Variants in SMAD1 observed in about 807,000 individuals in gnomAD.
SMAD1 encodes SMAD family member 1.
SMAD1 carries 6 observed loss-of-function variants against 41.6 expected under a neutral mutation model. That is an observed-to-expected ratio of 0.14 (90% CI 0.08 to 0.28). The LOEUF (loss-of-function observed/expected upper bound fraction) is 0.28. Among genes scored for constraint, SMAD1 ranks in the 10% least tolerant of loss-of-function variants. The pLI is 1.00. For synonymous variants in SMAD1, 206 were observed against 203.2 expected (o/e 1.01, Z -0.12); for missense variants, 379 against 582.6 (o/e 0.65, Z 3.60).
intron 1 of SMAD1, chr4:145,497,783 A>G (rs1729176493): frequency 6.6e-6 from 1 of 152,220 alleles, no homozygotes. Flanking sequence ...GCTTATATCT[A>G]AAGCATTATT....
intron 2 of SMAD1, among the ~76,000 whole-genome samples, chr4:145,529,965 G>C (rs1324882157): frequency 6.6e-6 from 1 of 152,150 alleles, no homozygotes; most frequent in African/African-American, 2.4e-5. Context: ...TCTGAGGGCT[G>C]AACTTTGAGA....
chr4:145,525,263 G>A (rs1323262064), intron 2 of SMAD1, among the ~76,000 whole-genome samples: 1 of 152,168 alleles, frequency 6.6e-6, no homozygotes, highest in Non-Finnish European at 1.5e-5. Context: ...CCCTTAAAAT[G>A]AAAATGTTCT....
At chr4:145,511,712 A>C (rs1730090486) in intron 1 of SMAD1, among the ~76,000 whole-genome samples, 1 of 152,224 alleles carries the variant, frequency 6.6e-6, no homozygotes, top group Non-Finnish European at 1.5e-5. Flanking sequence ...CAAGGACCTT[A>C]GAATGCTAAC....
rs73852353 is a variant in SMAD1 at position 145,553,690 on chromosome 4, C to A, written c.998-94C>A. 1,759 of 1,139,938 alleles carry A rather than the reference C, an allele frequency of 1.5e-3. 19 individuals are homozygous for A. In the African/African-American group the frequency reaches 0.024, roughly 16 times the overall value. 70.6% of individuals were successfully genotyped at this position (1,139,938 alleles called of 1,614,324 possible). A position where few individuals can be genotyped will look rare whatever the true frequency, so the allele number is the denominator to read the frequency against. Reference sequence around the variant, plus strand: ...TAGCTAACTAGCCAAAGTTTAAATCCATGTATATTTAAGTTTCTGTGTTGA... The same window carrying A: ...TAGCTAACTAGCCAAAGTTTAAATCAATGTATATTTAAGTTTCTGTGTTGA... On this transcript the variant is annotated intron_variant, in intron 5 of 6. Coordinates refer to ENST00000302085, the MANE Select transcript of SMAD1 (RefSeq NM_005900.3).
intron 4 of SMAD1, chr4:145,546,371 G>A (rs1732253843): frequency 4.1e-6 from 1 of 242,868 alleles, no homozygotes. Flanking sequence ...GTCTGTGGTA[G>A]GGGTGATTTC....
At chr4:145,509,555 T>TA (rs1294563571) in intron 1 of SMAD1, among the ~76,000 whole-genome samples, 1 of 152,200 alleles carries the variant, frequency 6.6e-6, no homozygotes, top group Non-Finnish European at 1.5e-5. Context: ...CCATTCTGTT[T>TA]AAAAATTATT....
At chr4:145,498,877 G>A (rs563393347) in intron 1 of SMAD1, among the ~76,000 whole-genome samples, 2 of 152,210 alleles carry the variant, frequency 1.3e-5, no homozygotes, top group South Asian at 2.1e-4. Flanking sequence ...TAGGCACCTG[G>A]GTTATTTAGA....
In SMAD1 at chr4:145,503,690, G is replaced by A. The variant is rs529017624; in HGVS notation, c.-176-10748G>A. ...TCATTCAATGCCATTTCCTTATAAC[G>A]TTGATGAGAAAAAACATTCCCAGCC... On this transcript the variant is annotated intron_variant, in intron 1 of 6. Transcript: ENST00000302085. Among the ~76,000 whole-genome samples the A allele has an allele frequency of 3.3e-5, 5 of 152,236 alleles. No individual in the cohort carries two copies. The East Asian group carries it at 7.7e-4, about 24-fold the overall frequency.
intron 1 of SMAD1, among the ~76,000 whole-genome samples, chr4:145,499,825 A>T (rs1729323526): frequency 1.3e-5 from 2 of 152,108 alleles, no homozygotes; most frequent in Admixed American, 6.5e-5. Context: ...TACAGGAATT[A>T]TGGACATTTA....
Position 145,539,820 on chromosome 4 carries a change from G to C in SMAD1, c.417G>C (p.Leu139=). Residue 139 remains leucine (L), a synonymous_variant, in exon 3 of 7, where the codon CTG becomes CTC. Transcript: ENST00000302085. ...TTTTTCTAGTACTTCCTCCTGTGCTGGTTCCAAGACACAGCGAATATAATC... is the reference window on the plus strand; with the variant it reads ...TTTTTCTAGTACTTCCTCCTGTGCTCGTTCCAAGACACAGCGAATATAATC... ...RVESPVLPPV[L]VPRHSEYNPQ... is the part of the protein sequence containing the mutation. 6.2e-7 allele frequency: 1 copy of C among 1,613,740 alleles called. No individual in the cohort carries two copies. The highest frequency in any genetic ancestry group is 8.5e-7 in the Non-Finnish European group (1 of 1,179,800).
chr4:145,502,640 C>T (rs970491942), intron 1 of SMAD1, among the ~76,000 whole-genome samples: 7 of 152,258 alleles, frequency 4.6e-5, no homozygotes, highest in Non-Finnish European at 7.4e-5. Flanking sequence ...AATGAAGATA[C>T]GTTAATAGCA....
At position 145,557,981 on chromosome 4, in the gene SMAD1, A is replaced by C. The variant is rs769533598; in HGVS notation, c.*47A>C. On this transcript the variant is annotated 3_prime_UTR_variant, in exon 7 of 7. Coordinates refer to ENST00000302085, the MANE Select transcript of SMAD1 (RefSeq NM_005900.3). ...TGGAAAACTATTGAGCCTTGCATGT[A>C]CTTGAAGGATGGATGAGTCAGACAC... The C allele has an allele frequency of 6.8e-7, 1 of 1,461,440 alleles. No individual in the cohort carries two copies. The allele number at this position is 1,461,440 out of a possible 1,614,324, so 90.5% of individuals were successfully genotyped here. A position where few individuals can be genotyped will look rare whatever the true frequency, so the allele number is the denominator to read the frequency against.
At chr4:145,552,240 G>A (rs1188696478) in intron 5 of SMAD1, among the ~76,000 whole-genome samples, 1 of 151,998 alleles carries the variant, frequency 6.6e-6, no homozygotes, top group East Asian at 1.9e-4. Context: ...TCTATATCAG[G>A]CCAAAAAAAT....
intron 5 of SMAD1, among the ~76,000 whole-genome samples, chr4:145,550,405 C>T (rs922612833): frequency 2.0e-5 from 3 of 151,952 alleles, no homozygotes; most frequent in East Asian, 3.9e-4. Context: ...CCCAGCTACT[C>T]GGGAGACAGA....
intron 1 of SMAD1, among the ~76,000 whole-genome samples, chr4:145,505,093 C>T (rs1729690552): frequency 6.6e-6 from 1 of 152,126 alleles, no homozygotes; most frequent in South Asian, 2.1e-4. Flanking sequence ...TTGGACAATT[C>T]CATCTTTGTT....
chr4:145,490,708 T>C (rs745702129), intron 1 of SMAD1, among the ~76,000 whole-genome samples: 5 of 152,122 alleles, frequency 3.3e-5, no homozygotes, highest in Admixed American at 6.5e-5. Context: ...GGTAATGAAG[T>C]AGTGAAATAT....
At chr4:145,534,966 C>G (rs932714454) in intron 2 of SMAD1, among the ~76,000 whole-genome samples, 3 of 150,402 alleles carry the variant, frequency 2.0e-5, no homozygotes, top group African/African-American at 7.4e-5. Context: ...GTAAAATATC[C>G]ACAACATATA....
At chr4:145,488,079 T>C (rs7672606) in intron 1 of SMAD1, among the ~76,000 whole-genome samples, 18,619 of 152,156 alleles carry the variant, frequency 0.12, 3,516 homozygotes, top group African/African-American at 0.41. Context: ...CCTGGTGATT[T>C]TCCCAAATCT....
intron 2 of SMAD1, among the ~76,000 whole-genome samples, chr4:145,534,476 A>C (rs955648985): frequency 2.6e-5 from 4 of 152,216 alleles, no homozygotes; most frequent in Non-Finnish European, 5.9e-5. Context: ...AAAACACTGA[A>C]AAGGAAGAAC....
Sources: gnomAD v4.1 joint callset for allele counts (sites outside exome capture counted in the v4.1 genomes callset) on GRCh38, gnomAD v4.1.1 for gene constraint, MANE v1.5 for transcripts, NCBI Gene and HGNC (gene_info 2026-07-23, HGNC 2026-07-21) for gene names.